Variants in GPR158 observed in about 807,000 individuals in gnomAD.
GPR158 encodes G protein-coupled receptor 158, also known as metabotropic glycine receptor.
In GPR158, 30 loss-of-function variants were observed where a neutral mutation model predicts 78.2. That is an observed-to-expected ratio of 0.38 (90% CI 0.29 to 0.52). The LOEUF (loss-of-function observed/expected upper bound fraction) is 0.52, where lower values mean the gene tolerates loss of function less well. Ranked by LOEUF, GPR158 falls within the 20% of genes least tolerant of loss-of-function variation. The pLI, the probability that GPR158 is intolerant of heterozygous loss-of-function variation, is 0.83. For missense variants in GPR158, 1,463 were observed against 1,523.5 expected, an observed-to-expected ratio of 0.96 and a Z score of 0.66; for synonymous variants, 581 against 591.1, an observed-to-expected ratio of 0.98 and a Z score of 0.25.
At chr10:25,560,516 T>TGGCCTC (rs1836847468) in intron 6 of GPR158, among the ~76,000 whole-genome samples, 1 of 152,184 alleles carries the variant, frequency 6.6e-6, no homozygotes, top group Non-Finnish European at 1.5e-5. Context: ...CCGCCTGCCT[T>TGGCCTC]GGCCTCCCAA....
At chr10:25,485,177 G>T (rs545700623) in intron 5 of GPR158, among the ~76,000 whole-genome samples, 4 of 151,788 alleles carry the variant, frequency 2.6e-5, no homozygotes, top group African/African-American at 9.7e-5. Context: ...TATCTTCAAA[G>T]ATATTGGAAA....
chr10:25,389,399 C>T (rs1760727), intron 2 of GPR158, among the ~76,000 whole-genome samples: 97,697 of 151,610 alleles, frequency 0.64, 32,435 homozygotes, highest in Non-Finnish European at 0.73. Context: ...GCTGAGAGCT[C>T]GACAGTCATC....
chr10:25,529,191 G>A (rs1206798682), intron 5 of GPR158, among the ~76,000 whole-genome samples: 7 of 152,080 alleles, frequency 4.6e-5, no homozygotes, highest in African/African-American at 2.4e-5. Flanking sequence ...GATCCAGACC[G>A]TCCTGCTAAC....
intron 2 of GPR158, among the ~76,000 whole-genome samples, chr10:25,253,401 A>C (rs1286432302): frequency 6.6e-6 from 1 of 152,168 alleles, no homozygotes; most frequent in Non-Finnish European, 1.5e-5. Context: ...TGTTGGAGCT[A>C]ATACTAGGGG....
intron 2 of GPR158, among the ~76,000 whole-genome samples, chr10:25,311,840 G>A (rs548008751): frequency 1.3e-5 from 2 of 151,912 alleles, no homozygotes; most frequent in African/African-American, 4.8e-5. Flanking sequence ...TTTTTTAACT[G>A]TATGTTTGCA....
intron 1 of GPR158, among the ~76,000 whole-genome samples, chr10:25,185,236 G>A (rs771132681): frequency 6.6e-6 from 1 of 152,170 alleles, no homozygotes; most frequent in Non-Finnish European, 1.5e-5. Context: ...ACACATATGT[G>A]TGTACATATA....
intron 2 of GPR158, among the ~76,000 whole-genome samples, chr10:25,300,336 A>G (rs949147920): frequency 5.9e-5 from 9 of 152,178 alleles, no homozygotes; most frequent in East Asian, 3.8e-4. Flanking sequence ...GCATTCTTCC[A>G]TAGTCATCTC....
At chr10:25,411,479 G>C (rs1463971424) in intron 3 of GPR158, among the ~76,000 whole-genome samples, 2 of 152,144 alleles carry the variant, frequency 1.3e-5, no homozygotes, top group Non-Finnish European at 2.9e-5. Flanking sequence ...TCTCATTTTG[G>C]ATTCTGGGCT....
chr10:25,519,322 T>C (rs1836226154), intron 5 of GPR158, among the ~76,000 whole-genome samples: 1 of 143,420 alleles, frequency 7.0e-6, no homozygotes, highest in African/African-American at 2.8e-5. Flanking sequence ...CTTGACTCTT[T>C]ATCCAATTTG....
At chr10:25,431,039 G>T (rs10828806) in intron 4 of GPR158, among the ~76,000 whole-genome samples, 95,381 of 138,818 alleles carry the variant, frequency 0.69, 33,926 homozygotes, top group Non-Finnish European at 0.79. Context: ...AAGAGCTTCT[G>T]CACAGCAAAA....
chr10:25,520,451 T>C (rs916380695), intron 5 of GPR158, among the ~76,000 whole-genome samples: 6 of 150,592 alleles, frequency 4.0e-5, no homozygotes, highest in Non-Finnish European at 7.4e-5. Context: ...AGAGGCGTTC[T>C]GCGTTTTAGA....
At chr10:25,371,953 C>G (rs1199954053) in intron 2 of GPR158, among the ~76,000 whole-genome samples, 1 of 150,448 alleles carries the variant, frequency 6.6e-6, no homozygotes, top group Admixed American at 6.6e-5. Flanking sequence ...TCGCAACCTA[C>G]TCATCTGACA....
At chr10:25,540,510 C>T (rs1387976907) in intron 5 of GPR158, among the ~76,000 whole-genome samples, 1 of 152,056 alleles carries the variant, frequency 6.6e-6, no homozygotes, top group East Asian at 1.9e-4. Flanking sequence ...TATTGTGGCA[C>T]TATTCACAAT....
At chr10:25,389,655 C>T (rs1214595014) in intron 2 of GPR158, among the ~76,000 whole-genome samples, 1 of 152,206 alleles carries the variant, frequency 6.6e-6, no homozygotes. Flanking sequence ...AGGGCTGAAA[C>T]ACGCCCCTTG....
intron 4 of GPR158, among the ~76,000 whole-genome samples, chr10:25,428,176 ATATT>A (rs1399815975): frequency 6.6e-6 from 1 of 152,064 alleles, no homozygotes; most frequent in Non-Finnish European, 1.5e-5. Context: ...TTTTTGTAAA[ATATT>A]TACTTGTTTT....
Position 25,441,147 on chromosome 10 carries a change from C to T in GPR158, c.1336-25504C>T, listed in dbSNP as rs553120999. On this transcript the variant is annotated intron_variant, in intron 4 of 10. Coordinates refer to ENST00000376351, the MANE Select transcript of GPR158 (RefSeq NM_020752.3). ...TCCATATTTATTGTTTATTTACCTT[C>T]TGTTTTTGAGCTTCAGGACTCTCTT... 2.6e-5 allele frequency among the ~76,000 whole-genome samples: 4 copies of T among 152,264 alleles called. No homozygotes were observed. The South Asian group carries it at 8.3e-4, about 32-fold the overall frequency.
rs556201821 is a variant in GPR158 at position 25,187,168 on chromosome 10, T to C, written c.902+10846T>C. 5.3e-5 allele frequency among the ~76,000 whole-genome samples: 8 copies of C among 152,038 alleles called. No individual in the cohort carries two copies. In the East Asian group the frequency reaches 1.4e-3, roughly 26 times the overall value. ...TTTTAATAGAGACAGGGTTTCACTG[T>C]GTTAGCCAGGATGGTCTCAATCTCC... On this transcript the variant is annotated intron_variant, in intron 1 of 10. Coordinates refer to ENST00000376351, the MANE Select transcript of GPR158 (RefSeq NM_020752.3).
At chr10:25,578,174 A>G (rs1384601729) in intron 7 of GPR158, among the ~76,000 whole-genome samples, 1 of 152,176 alleles carries the variant, frequency 6.6e-6, no homozygotes, top group Non-Finnish European at 1.5e-5. Context: ...GTTTAAATAT[A>G]TTTTCTGTAG....
At chr10:25,566,559 G>A (rs536246098) in intron 6 of GPR158, among the ~76,000 whole-genome samples, 7 of 152,046 alleles carry the variant, frequency 4.6e-5, no homozygotes, top group South Asian at 4.2e-4. Context: ...AAAAAGGAAG[G>A]TGAGAAAAAA....
Sources: allele counts gnomAD v4.1 joint callset (sites outside exome capture counted in the v4.1 genomes callset), GRCh38; gene constraint gnomAD v4.1.1; transcripts MANE v1.5; gene names NCBI Gene and HGNC (gene_info 2026-07-23, HGNC 2026-07-21).